The following RANBP2 variants were observed in gnomAD, a reference collection of about 807,000 sequenced individuals.
RANBP2 encodes RAN binding protein 2.
In RANBP2, 57 loss-of-function variants were observed where a neutral mutation model predicts 303.6. That is an observed-to-expected ratio of 0.19 (90% CI 0.15 to 0.23). The LOEUF is 0.23. RANBP2 is among the 10% of genes least tolerant of loss of function. RANBP2 has a pLI of 1.00. For missense variants in RANBP2, 3,138 were observed against 3,780.8 expected (o/e 0.83, Z 4.46); for synonymous variants, 1,167 against 1,301.5 (o/e 0.90, Z 2.23).
At chr2:108,897,663 A>G in the RANBP2 span, among the ~76,000 whole-genome samples, 21 of 152,310 alleles carry the variant, frequency 1.4e-4, no homozygotes, top group East Asian at 3.9e-3. Flanking sequence ...GCTGCTCTCA[A>G]TGATAGCCCC....
At chr2:109,689,439 G>A in the RANBP2 span, among the ~76,000 whole-genome samples, 1 of 152,002 alleles carries the variant, frequency 6.6e-6, no homozygotes, top group South Asian at 2.1e-4. Flanking sequence ...AATCCATTGA[G>A]GACAAATAAC....
the RANBP2 span, among the ~76,000 whole-genome samples, chr2:109,654,095 G>A: frequency 2.6e-5 from 4 of 152,254 alleles, no homozygotes; most frequent in East Asian, 1.9e-4. Context: ...CTCAGACAGT[G>A]TGGGAGGGGT....
At chr2:109,025,784 C>T in the RANBP2 span, among the ~76,000 whole-genome samples, 3 of 146,516 alleles carry the variant, frequency 2.0e-5, no homozygotes, top group East Asian at 2.0e-4. Context: ...GGCAACAGAG[C>T]GAGACTCCGT....
the RANBP2 span, among the ~76,000 whole-genome samples, chr2:109,419,220 A>G: frequency 6.6e-6 from 1 of 152,208 alleles, no homozygotes; most frequent in African/African-American, 2.4e-5. Context: ...ACACAATAAT[A>G]ATTAATTCAA....
At chr2:108,825,258 G>A in the RANBP2 span, among the ~76,000 whole-genome samples, 3 of 126,902 alleles carry the variant, frequency 2.4e-5, no homozygotes, top group Non-Finnish European at 3.6e-5. Context: ...TCTTGTTTTT[G>A]TTCTGGTGGT....
the RANBP2 span, among the ~76,000 whole-genome samples, chr2:108,977,590 T>C: frequency 2.6e-5 from 4 of 152,028 alleles, no homozygotes; most frequent in Non-Finnish European, 5.9e-5. Context: ...CTTTTTTGAG[T>C]GTTCCTGAAG....
chr2:109,431,145 C>T, the RANBP2 span, among the ~76,000 whole-genome samples: 10 of 152,306 alleles, frequency 6.6e-5, no homozygotes, highest in African/African-American at 2.4e-4. Flanking sequence ...AAGTGGGGTT[C>T]CTCCAGCATC....
At chr2:108,733,715 CAGTAGTGTTAA>C (rs1695355148) in intron 4 of RANBP2, among the ~76,000 whole-genome samples, 2 of 152,092 alleles carry the variant, frequency 1.3e-5, no homozygotes, top group Non-Finnish European at 2.9e-5. Context: ...AATCTGGTGT[CAGTAGTGTTAA>C]AGAACATATG....
rs35544546 is a variant in RANBP2, at chr2:108,746,208, CTTTTTTTTTTTTT to C, written c.976-493_976-481del. ...CAGGTGTGAGCCACCATGTCTGGCC[CTTTTTTTTTTTTT>C]TTTTTTTTTGCGATGGAGCCTCGCT... On this transcript the variant is annotated intron_variant, in intron 7 of 28. Coordinates refer to ENST00000283195, the MANE Select transcript of RANBP2 (RefSeq NM_006267.5). Among the ~76,000 whole-genome samples, 11 of 90,564 alleles carry C rather than the reference CTTTTTTTTTTTTT, an allele frequency of 1.2e-4. 1 individual carries two copies. 59.4% of individuals were successfully genotyped at this position (90,564 alleles called of 152,430 possible).
the RANBP2 span, among the ~76,000 whole-genome samples, chr2:108,836,824 T>C: frequency 6.6e-6 from 1 of 152,208 alleles, no homozygotes; most frequent in Non-Finnish European, 1.5e-5. Flanking sequence ...TTTGATGCTA[T>C]TTGTAAGTGG....
At chr2:109,679,746 G>C in the RANBP2 span, among the ~76,000 whole-genome samples, 1 of 152,140 alleles carries the variant, frequency 6.6e-6, no homozygotes, top group Non-Finnish European at 1.5e-5. Context: ...CTCCATTCCT[G>C]ACCTACTCAA....
chr2:109,075,617 A>T, the RANBP2 span, among the ~76,000 whole-genome samples: 1 of 149,708 alleles, frequency 6.7e-6, no homozygotes, highest in Non-Finnish European at 1.5e-5. Context: ...ATTCAAATAA[A>T]TGAAATAAAA....
At chr2:109,574,694 A>G in the RANBP2 span, 1 of 1,609,218 alleles carries the variant, frequency 6.2e-7, no homozygotes, top group Non-Finnish European at 8.5e-7. Context: ...GTAAAGAGAG[A>G]ACGCTTAATC....
At chr2:109,779,086 TA>T in the RANBP2 span, among the ~76,000 whole-genome samples, 3 of 133,688 alleles carry the variant, frequency 2.2e-5, no homozygotes, top group African/African-American at 8.5e-5. Context: ...CCTTAACATA[TA>T]AACAGAAAGT....
chr2:109,352,863 G>A, the RANBP2 span, among the ~76,000 whole-genome samples: 1 of 152,366 alleles, frequency 6.6e-6, no homozygotes, highest in South Asian at 2.1e-4. Flanking sequence ...GACAGCAAAG[G>A]GAGTTTGGAT....
At chr2:109,584,962 C>T in the RANBP2 span, among the ~76,000 whole-genome samples, 3 of 151,930 alleles carry the variant, frequency 2.0e-5, no homozygotes, top group Non-Finnish European at 2.9e-5. Flanking sequence ...TGTCAATGTG[C>T]TAATAAGAAC....
chr2:109,055,762 T>C, the RANBP2 span, among the ~76,000 whole-genome samples: 3 of 27,488 alleles, frequency 1.1e-4, no homozygotes, highest in East Asian at 0.05. Flanking sequence ...CTCTAACATT[T>C]TTTTTTTTTT....
the RANBP2 span, chr2:109,665,836 G>A: frequency 1.3e-5 from 2 of 151,926 alleles, no homozygotes; most frequent in African/African-American, 4.8e-5. Context: ...GAAAGGCCGG[G>A]TGCAGTGGCT....
chr2:109,531,090 G>A, the RANBP2 span, among the ~76,000 whole-genome samples: 1 of 152,186 alleles, frequency 6.6e-6, no homozygotes, highest in Admixed American at 6.5e-5. Context: ...TAGCAGGGAG[G>A]TGTGGACCGA....
Sources: allele counts gnomAD v4.1 joint callset (sites outside exome capture counted in the v4.1 genomes callset), GRCh38; gene constraint gnomAD v4.1.1; transcripts MANE v1.5; gene names NCBI Gene and HGNC (gene_info 2026-07-23, HGNC 2026-07-21).